ORC2: variants seen among roughly 807,000 people sequenced by gnomAD.
ORC2 encodes the protein origin recognition complex protein 2 homolog.
A neutral mutation model predicts 77.7 loss-of-function variants in ORC2; 37 were observed. The observed-to-expected ratio is 0.48, with a 90% CI of 0.37 to 0.63. ORC2 has a LOEUF of 0.63. Ranked by LOEUF, ORC2 falls within the 20% of genes least tolerant of loss-of-function variation. The pLI is 0.00. For missense variants in ORC2, 557 were observed against 661.9 expected, an observed-to-expected ratio of 0.84 and a Z score of 1.74; for synonymous variants, 201 against 229.5, an observed-to-expected ratio of 0.88 and a Z score of 1.12.
In ORC2 at chr2:200,921,070, T is replaced by C. The variant is rs1313715021; in HGVS notation, c.1217A>G (p.Gln406Arg). Residue 406 changes from glutamine to arginine, a missense_variant, in exon 14 of 18, where the codon CAG (glutamine) becomes CGG (arginine). Transcript: ENST00000234296. The part of the protein sequence containing the change: ...DSQMLRGEKS[Q>R]QIIGQLSSLH... ...AGATGACAACTGACCAATGATTTGC[T>C]GGCTCTTCTCTCCTCTCAACATCTG... is the stretch of plus-strand genomic sequence containing the variant. The C allele has an allele frequency of 1.2e-6, 2 of 1,610,082 alleles. No homozygotes were observed. Among genetic ancestry groups the C allele is most frequent in the South Asian group, 1.1e-5 (1 of 90,568 alleles).
intron 8 of ORC2, among the ~76,000 whole-genome samples, chr2:200,936,129 C>T (rs564276349): frequency 6.6e-6 from 1 of 152,266 alleles, no homozygotes; most frequent in South Asian, 2.1e-4. Flanking sequence ...GTATATAAAG[C>T]CACTAATAAT....
chr2:200,943,800 G>GTTT (rs57805402), intron 5 of ORC2, among the ~76,000 whole-genome samples: 2 of 140,284 alleles, frequency 1.4e-5, no homozygotes, highest in Non-Finnish European at 1.6e-5. Context: ...GATTCACTAA[G>GTTT]TTTTTTTTTT....
chr2:200,931,554 T>G, intron 10 of ORC2, 106 bp from the exon 11 acceptor site: 1 of 556,688 alleles, frequency 1.8e-6, no homozygotes. Flanking sequence ...CCAATCCAAT[T>G]GGAATATTAC....
At chr2:200,961,045 G>T (rs963626387) in intron 1 of ORC2, among the ~76,000 whole-genome samples, 1 of 152,140 alleles carries the variant, frequency 6.6e-6, no homozygotes, top group East Asian at 1.9e-4. Flanking sequence ...AAAGTGTTGG[G>T]ATTACAGGTG....
At chr2:200,957,240 T>TA (rs555744408) in intron 4 of ORC2, among the ~76,000 whole-genome samples, 161 bp downstream of exon 4, 29 of 152,062 alleles carry the variant, frequency 1.9e-4, no homozygotes, top group Admixed American at 1.2e-3. Flanking sequence ...GACTGGTTGT[T>TA]AAAAAAAAGA....
chr2:200,935,887 T>G lies in ORC2; in HGVS notation c.520A>C (p.Arg174=), dbSNP rs537366754. The G allele has an allele frequency of 5.9e-4, 944 of 1,611,616 alleles. 11 individuals carry two copies. The South Asian group carries it at 9.6e-3, about 16-fold the overall frequency. The change falls in exon 9 of 18, where the codon AGG becomes CGG. Residue 174 remains arginine, a synonymous_variant. Coordinates refer to ENST00000234296, the MANE Select transcript of ORC2 (RefSeq NM_006190.5). ...TCGCTTTCACTGTCAGAATGAGACC[T>G]TGGAACTGTGGGGGGAAAAATAGCA... The part of the protein sequence containing the change: ...RSLRKRLIVP[R]SHSDSESEYS...
At chr2:200,942,627 T>C (rs1003838965) in intron 6 of ORC2, 58 bp downstream of exon 6, 18 of 808,858 alleles carry the variant, frequency 2.2e-5, no homozygotes, top group Non-Finnish European at 3.3e-5. Flanking sequence ...AAAAGTAACA[T>C]GCTCTATCTT....
At chr2:200,961,452 C>T (rs1428816745) in intron 1 of ORC2, among the ~76,000 whole-genome samples, 2 of 152,136 alleles carry the variant, frequency 1.3e-5, no homozygotes, top group Non-Finnish European at 2.9e-5. Flanking sequence ...GTGCTGGACG[C>T]TAAATGCTTG....
chr2:200,960,441 G>A (rs1034844450), intron 1 of ORC2, among the ~76,000 whole-genome samples: 1 of 152,134 alleles, frequency 6.6e-6, no homozygotes, highest in African/African-American at 2.4e-5. Flanking sequence ...CATTTTTCTA[G>A]TCATAATACT....
chr2:200,918,493 C>CT (rs780546358), intron 15 of ORC2, among the ~76,000 whole-genome samples: 3,738 of 144,300 alleles, frequency 0.026, 69 homozygotes, highest in Middle Eastern at 0.04. Flanking sequence ...TTTCTTCTTT[C>CT]TTTTTTTTTT....
chr2:200,946,926 G>A (rs142827287), intron 5 of ORC2, among the ~76,000 whole-genome samples: 125 of 151,854 alleles, frequency 8.2e-4, no homozygotes, highest in Middle Eastern at 3.4e-3. Flanking sequence ...TTTTTCAGAT[G>A]GAGTCTCTTT....
chr2:200,935,865 C>T lies in ORC2; in HGVS notation c.542G>A (p.Ser181Asn). ...CTCTGAGTTGGAAGCAGAATATTCGCTTTCACTGTCAGAATGAGACCTTGG... is the reference window on the plus strand; with the variant it reads ...CTCTGAGTTGGAAGCAGAATATTCGTTTTCACTGTCAGAATGAGACCTTGG... ...IVPRSHSDSE[S>N]EYSASNSEDD... is the part of the protein sequence containing the mutation. Residue 181 changes from serine (S) to asparagine (N), a missense_variant, in exon 9 of 18, where the codon AGC becomes AAC. Ser to Asn is a conservative substitution (Grantham distance 46). Coordinates refer to ENST00000234296, the MANE Select transcript of ORC2 (RefSeq NM_006190.5). 6.2e-7 allele frequency: 1 copy of T among 1,613,652 alleles called. No homozygotes were observed. Among genetic ancestry groups the T allele is most frequent in the Non-Finnish European group, 8.5e-7 (1 of 1,179,858 alleles).
chr2:200,909,498 A>G lies in ORC2; in HGVS notation c.*1803T>C. 6.6e-6 allele frequency: 1 copy of G among 152,100 alleles called. No homozygotes were observed. The allele number at this position is 152,100 out of a possible 1,614,324, so 9.4% of individuals were successfully genotyped here. A position where few individuals can be genotyped will look rare whatever the true frequency, so the allele number is the denominator to read the frequency against. ...GAGGCAGGATCACTTGAGGTCAGGA[A>G]TTCGAGACCAGCCTGGCCAACATGG... On this transcript the variant is annotated 3_prime_UTR_variant, in exon 18 of 18. Coordinates refer to ENST00000234296, the MANE Select transcript of ORC2 (RefSeq NM_006190.5).
At chr2:200,940,855 T>C (rs1336649222) in intron 7 of ORC2, among the ~76,000 whole-genome samples, 4 of 152,056 alleles carry the variant, frequency 2.6e-5, no homozygotes, top group African/African-American at 9.6e-5. Context: ...GATAAAAATA[T>C]AGAGTAATGG....
chr2:200,929,720 C>G (rs2124970786), intron 11 of ORC2, among the ~76,000 whole-genome samples: 1 of 152,022 alleles, frequency 6.6e-6, no homozygotes, highest in Admixed American at 6.5e-5. Flanking sequence ...TTGCTTGAAC[C>G]CAGGAGGTTG....
Position 200,957,519 on chromosome 2 carries a change from C to A in ORC2, c.120G>T (p.Ala40=). The A allele has an allele frequency of 6.2e-7, 1 of 1,605,258 alleles. No homozygotes were observed. Among genetic ancestry groups the A allele is most frequent in the East Asian group, 2.3e-5 (1 of 44,332 alleles). ...EGGAKLKKER[A]QLLVNPKKII... ...TTTTTTTGGGGTTGACCAAAAGCTG[C>A]GCTCGCTCCTTCTTCAATTTAGCTC... Residue 40 remains alanine (A), a synonymous_variant, in exon 4 of 18, where the codon GCG becomes GCT. Coordinates refer to ENST00000234296, the MANE Select transcript of ORC2 (RefSeq NM_006190.5).
chr2:200,933,124 T>TA (rs1375130880), intron 10 of ORC2, among the ~76,000 whole-genome samples: 2 of 152,140 alleles, frequency 1.3e-5, no homozygotes, highest in Non-Finnish European at 2.9e-5. Flanking sequence ...AGCCAGGACT[T>TA]AGATTATCAA....
rs145366353 is a variant in ORC2 at position 200,957,373 on chromosome 2, C to T, written c.238+28G>A. ...AAGCAATTTCTGCTACTAGCAGAAACGAGTGTATATTTCACCCCCTCAAAT... is the reference window on the plus strand; with the variant it reads ...AAGCAATTTCTGCTACTAGCAGAAATGAGTGTATATTTCACCCCCTCAAAT... On this transcript the variant is annotated intron_variant, in intron 4 of 17. Transcript: ENST00000234296. The T allele has an allele frequency of 2.7e-4, 404 of 1,518,914 alleles. 1 individual carries two copies. In the East Asian group the frequency reaches 8.2e-3, roughly 31 times the overall value. The allele number at this position is 1,518,914 out of a possible 1,614,324, so 94.1% of individuals were successfully genotyped here. A position where few individuals can be genotyped will look rare whatever the true frequency, so the allele number is the denominator to read the frequency against.
chr2:200,942,262 A>G (rs2041168589), intron 6 of ORC2, among the ~76,000 whole-genome samples: 1 of 152,212 alleles, frequency 6.6e-6, no homozygotes, highest in Non-Finnish European at 1.5e-5. Flanking sequence ...AAAAATATAA[A>G]TAAAGAGCAA....
Sources: allele counts gnomAD v4.1 joint callset (sites outside exome capture counted in the v4.1 genomes callset), GRCh38; gene constraint gnomAD v4.1.1; transcripts MANE v1.5; gene names NCBI Gene and HGNC (gene_info 2026-07-23, HGNC 2026-07-21).